SHANK2: variants seen among roughly 807,000 people sequenced by gnomAD.
SHANK2 encodes the protein SH3 and multiple ankyrin repeat domains 2, also known as SH3 and multiple ankyrin repeat domains protein 2.
Under a neutral mutation model 133.7 loss-of-function variants are expected in SHANK2, and 43 were observed. The ratio of observed to expected loss-of-function variants is 0.32; its 90% confidence interval spans 0.25 to 0.41. The LOEUF is 0.41. Ranked by LOEUF, SHANK2 falls within the 10% of genes least tolerant of loss-of-function variation. The pLI, the probability that SHANK2 is intolerant of heterozygous loss-of-function variation, is 1.00. For synonymous variants in SHANK2, 1,017 were observed against 952.8 expected, an observed-to-expected ratio of 1.07 and a Z score of -1.24; for missense variants, 1,994 against 2,235.8, an observed-to-expected ratio of 0.89 and a Z score of 2.18.
chr11:70,624,611 C>CG (rs1394995589), intron 17 of SHANK2, among the ~76,000 whole-genome samples: 1 of 152,152 alleles, frequency 6.6e-6, no homozygotes, highest in Non-Finnish European at 1.5e-5. Context: ...TGGTGCCCCC[C>CG]CAAACCCCAG....
chr11:70,778,857 G>A lies in SHANK2; in HGVS notation c.1777+19586C>T, dbSNP rs897382441. ...TAGCACTAAGAAGGTTTCTAACCCCGTGAATGTCCGGGCCATGTCACTGCC... is the reference window on the plus strand; with the variant it reads ...TAGCACTAAGAAGGTTTCTAACCCCATGAATGTCCGGGCCATGTCACTGCC... On this transcript the variant is annotated intron_variant, in intron 14 of 25. Transcript: ENST00000601538. Among the ~76,000 whole-genome samples, 8 of 152,216 alleles carry A rather than the reference G, an allele frequency of 5.3e-5. No individual in the cohort carries two copies. The South Asian group carries it at 6.2e-4, about 12-fold the overall frequency.
chr11:71,065,087 C>T (rs36145252), intron 9 of SHANK2, among the ~76,000 whole-genome samples: 36,264 of 151,936 alleles, frequency 0.24, 4,891 homozygotes, highest in Non-Finnish European at 0.28. Flanking sequence ...GGGACAGAGA[C>T]GGGACCTTGG....
chr11:71,088,081 G>C (rs1189571905), intron 8 of SHANK2, among the ~76,000 whole-genome samples: 3 of 152,170 alleles, frequency 2.0e-5, no homozygotes, highest in Non-Finnish European at 4.4e-5. Flanking sequence ...CTAAATTGAT[G>C]ATTCTCCATA....
intron 10 of SHANK2, among the ~76,000 whole-genome samples, chr11:70,917,502 CGG>C (rs1950286308): frequency 6.6e-6 from 1 of 152,170 alleles, no homozygotes; most frequent in African/African-American, 2.4e-5. Flanking sequence ...AATCCCATTA[CGG>C]GGTATATACA....
At chr11:70,720,146 T>C (rs1280420275) in intron 14 of SHANK2, among the ~76,000 whole-genome samples, 1 of 152,200 alleles carries the variant, frequency 6.6e-6, no homozygotes, top group African/African-American at 2.4e-5. Flanking sequence ...ACGTTGCCCC[T>C]GGACACAGCT....
At chr11:70,900,737 T>C (rs1467750340) in intron 10 of SHANK2, among the ~76,000 whole-genome samples, 2 of 152,204 alleles carry the variant, frequency 1.3e-5, no homozygotes, top group Non-Finnish European at 2.9e-5. Flanking sequence ...AAATTCCTCT[T>C]GGCAGAAAGC....
intron 17 of SHANK2, among the ~76,000 whole-genome samples, chr11:70,571,141 T>G (rs1445931711): frequency 6.6e-6 from 1 of 152,156 alleles, no homozygotes; most frequent in Non-Finnish European, 1.5e-5. Context: ...CCCCACTCCC[T>G]GGAGGTCAGG....
chr11:70,804,417 G>A lies in SHANK2; in HGVS notation c.1663+2585C>T, dbSNP rs781904964. 2.5e-4 allele frequency among the ~76,000 whole-genome samples: 38 copies of A among 152,224 alleles called. No individual in the cohort carries two copies. Among genetic ancestry groups the A allele is most frequent in the Non-Finnish European group, 2.5e-4 (17 of 68,038 alleles). On this transcript the variant is annotated intron_variant, in intron 13 of 25. Transcript: ENST00000601538. This position sits in a 1 kb window ranked among gnomAD's most constrained non-coding sequence, Gnocchi z 4.1. ...TGCAAATGGCCTGCGCGGCCCACTC[G>A]AATCTCTTTTCAGAACAGCAGTCCT... is the stretch of plus-strand genomic sequence containing the variant.
At chr11:70,588,718 GC>G (rs2060284213) in intron 17 of SHANK2, among the ~76,000 whole-genome samples, 1 of 152,244 alleles carries the variant, frequency 6.6e-6, no homozygotes, top group South Asian at 2.1e-4. Context: ...AGGCAAAGTA[GC>G]AAGTCTTGAT....
intron 10 of SHANK2, among the ~76,000 whole-genome samples, chr11:70,911,459 G>A (rs1323515236): frequency 1.3e-5 from 2 of 152,212 alleles, no homozygotes; most frequent in East Asian, 1.9e-4. Context: ...CATTCTCACA[G>A]ACAACACTTG....
chr11:70,581,208 G>A (rs556979974), intron 17 of SHANK2, among the ~76,000 whole-genome samples: 32 of 152,336 alleles, frequency 2.1e-4, no homozygotes, highest in African/African-American at 7.7e-4. Flanking sequence ...AAAAGCTCTT[G>A]TAGTCACTGA....
intron 11 of SHANK2, among the ~76,000 whole-genome samples, chr11:70,823,834 G>A (rs781963046): frequency 1.1e-4 from 16 of 150,984 alleles, no homozygotes; most frequent in Non-Finnish European, 2.2e-4. Context: ...AGGGACAGAG[G>A]TGGCGTTGAC....
intron 17 of SHANK2, among the ~76,000 whole-genome samples, chr11:70,504,661 C>T (rs2059111597): frequency 6.6e-6 from 1 of 152,184 alleles, no homozygotes; most frequent in Admixed American, 6.5e-5. Flanking sequence ...GAGAGAGGCC[C>T]ACCTACAGCG....
chr11:71,085,613 AT>A (rs1385670465), intron 8 of SHANK2, among the ~76,000 whole-genome samples: 74 of 79,588 alleles, frequency 9.3e-4, no homozygotes, highest in East Asian at 2.6e-3. Flanking sequence ...TTAAATATAT[AT>A]TATATTATAT....
At chr11:71,117,838 C>T (rs1287722125) in intron 4 of SHANK2, among the ~76,000 whole-genome samples, 2 of 152,138 alleles carry the variant, frequency 1.3e-5, no homozygotes, top group Non-Finnish European at 2.9e-5. Context: ...AAAATGCCTT[C>T]TTAGGTTCTC....
chr11:70,634,487 T>C (rs2061045261), intron 17 of SHANK2: 1 of 152,160 alleles, frequency 6.6e-6, no homozygotes, highest in Admixed American at 6.5e-5. Flanking sequence ...TTGCAAATCA[T>C]GTATCTGGTA....
intron 10 of SHANK2, chr11:70,943,145 C>T (rs1043693040): frequency 8.6e-5 from 39 of 453,206 alleles, no homozygotes; most frequent in Middle Eastern, 3.8e-4. Context: ...GCAGTCTCAC[C>T]TGGCTGGAGA....
intron 11 of SHANK2, among the ~76,000 whole-genome samples, chr11:70,893,471 T>A (rs1416166919): frequency 1.3e-5 from 2 of 152,260 alleles, no homozygotes; most frequent in African/African-American, 4.8e-5. Flanking sequence ...ACAGATTCAC[T>A]GTGCTTGGAT....
intron 17 of SHANK2, among the ~76,000 whole-genome samples, chr11:70,630,033 G>T (rs1172830037): frequency 5.9e-5 from 9 of 152,376 alleles, no homozygotes; most frequent in African/African-American, 2.2e-4. Flanking sequence ...CTTCCAGAGA[G>T]GGGCAGACAG....
Sources: gnomAD v4.1 joint callset for allele counts (sites outside exome capture counted in the v4.1 genomes callset) on GRCh38, gnomAD v4.1.1 for gene constraint, Gnocchi (gnomAD v3.1) non-coding constraint, MANE v1.5 for transcripts, NCBI Gene and HGNC (gene_info 2026-07-23, HGNC 2026-07-21) for gene names.